The following CAMKMT variants were observed in gnomAD, a reference collection of about 807,000 sequenced individuals.
The protein encoded by CAMKMT is calmodulin-lysine N-methyltransferase, also known as CaM KMT.
Under a neutral mutation model 48.0 loss-of-function variants are expected in CAMKMT, and 53 were observed. That is an observed-to-expected ratio of 1.10 (90% CI 0.89 to 1.39). CAMKMT has a LOEUF of 1.39. Ranked by LOEUF, CAMKMT falls within the 40% of genes most tolerant of loss-of-function variation. The probability of loss-of-function intolerance (pLI) is 0.00; values close to 1 mark genes in which losing one functional copy is unlikely to be tolerated. For synonymous variants in CAMKMT, 165 were observed against 152.3 expected (o/e 1.08, Z -0.61); for missense variants, 428 against 402.7 (o/e 1.06, Z -0.54).
chr2:44,511,052 G>A (rs1242764275), intron 3 of CAMKMT, among the ~76,000 whole-genome samples: 4 of 152,070 alleles, frequency 2.6e-5, no homozygotes, highest in Non-Finnish European at 5.9e-5. Context: ...TATTGGCCAG[G>A]TTGGTCTTGG....
intron 3 of CAMKMT, among the ~76,000 whole-genome samples, chr2:44,464,138 T>C (rs1667991320): frequency 6.6e-6 from 1 of 152,002 alleles, no homozygotes; most frequent in African/African-American, 2.4e-5. Flanking sequence ...AACAAAGATA[T>C]AGAAACTATA....
chr2:44,397,805 CAGT>C (rs1681996980), intron 3 of CAMKMT, among the ~76,000 whole-genome samples: 1 of 152,166 alleles, frequency 6.6e-6, no homozygotes, highest in African/African-American at 2.4e-5. Context: ...GATTCTTTGA[CAGT>C]AGAACTTGGT....
At chr2:44,445,447 G>A (rs1666923931) in intron 3 of CAMKMT, among the ~76,000 whole-genome samples, 1 of 151,886 alleles carries the variant, frequency 6.6e-6, no homozygotes, top group African/African-American at 2.4e-5. Context: ...CGAACCCCTG[G>A]GATTCCCTTG....
At chr2:44,389,335 CAGGGTT>C (rs1405623138) in intron 2 of CAMKMT, among the ~76,000 whole-genome samples, 1 of 152,078 alleles carries the variant, frequency 6.6e-6, no homozygotes, top group Non-Finnish European at 1.5e-5. Flanking sequence ...TTCGAGGTAC[CAGGGTT>C]AGGGCTTCAG....
At position 44,754,224 on chromosome 2, in the gene CAMKMT, T is replaced by C. The variant is rs891453533; in HGVS notation, c.762+106T>C. ...GGCAGGATTAATGTCATGTAATACT[T>C]TAATACTTATTATGTCCAACTTCAA... is the stretch of plus-strand genomic sequence containing the variant. On this transcript the variant is annotated intron_variant, in intron 9 of 10. Transcript: ENST00000378494. 1.3e-5 allele frequency: 11 copies of C among 815,612 alleles called. No individual in the cohort carries two copies. The Admixed American group carries it at 1.5e-4, about 11-fold the overall frequency. 50.5% of individuals were successfully genotyped at this position (815,612 alleles called of 1,614,324 possible). A position where few individuals can be genotyped will look rare whatever the true frequency, so the allele number is the denominator to read the frequency against.
intron 2 of CAMKMT, among the ~76,000 whole-genome samples, chr2:44,387,741 C>G (rs984734466): frequency 6.6e-6 from 1 of 152,108 alleles, no homozygotes; most frequent in Non-Finnish European, 1.5e-5. Context: ...TGAATTCTCT[C>G]AGTATTTGTC....
intron 3 of CAMKMT, among the ~76,000 whole-genome samples, chr2:44,654,157 C>T (rs1188418976): frequency 6.6e-6 from 1 of 152,118 alleles, no homozygotes; most frequent in African/African-American, 2.4e-5. Flanking sequence ...CTAAACATTT[C>T]AAATAGGATT....
At chr2:44,603,722 G>T (rs1671129856) in intron 3 of CAMKMT, among the ~76,000 whole-genome samples, 1 of 152,104 alleles carries the variant, frequency 6.6e-6, no homozygotes, top group Non-Finnish European at 1.5e-5. Context: ...TAGTCAAATT[G>T]CCCTCTTTAA....
chr2:44,727,182 G>T (rs755627398), intron 7 of CAMKMT, among the ~76,000 whole-genome samples: 3 of 152,074 alleles, frequency 2.0e-5, no homozygotes, highest in Non-Finnish European at 4.4e-5. Context: ...TAATAGGAAT[G>T]GCCTTGAACC....
chr2:44,722,581 G>A (rs185995280), intron 7 of CAMKMT, among the ~76,000 whole-genome samples: 15 of 151,888 alleles, frequency 9.9e-5, no homozygotes, highest in Non-Finnish European at 1.6e-4. Context: ...TATTTTGTAC[G>A]TGATATTTGG....
chr2:44,678,449 A>G (rs1440969887), intron 3 of CAMKMT, among the ~76,000 whole-genome samples: 1 of 152,212 alleles, frequency 6.6e-6, no homozygotes, highest in African/African-American at 2.4e-5. Flanking sequence ...CACCCTTGGT[A>G]CACACTCCAG....
At chr2:44,582,934 A>T (rs557565508) in intron 3 of CAMKMT, among the ~76,000 whole-genome samples, 151 of 152,286 alleles carry the variant, frequency 9.9e-4, no homozygotes, top group African/African-American at 3.5e-3. Flanking sequence ...CCTTTCCTTT[A>T]TCTTTTGGCT....
chr2:44,615,583 T>C (rs549454767), intron 3 of CAMKMT, among the ~76,000 whole-genome samples: 12 of 152,266 alleles, frequency 7.9e-5, no homozygotes, highest in Admixed American at 5.9e-4. Context: ...GGGTACAGTT[T>C]TGGAGGCATT....
At chr2:44,454,422 A>T (rs1667453419) in intron 3 of CAMKMT, among the ~76,000 whole-genome samples, 1 of 152,114 alleles carries the variant, frequency 6.6e-6, no homozygotes, top group Non-Finnish European at 1.5e-5. Context: ...CAGTAAAATA[A>T]ACTAAATATA....
intron 1 of CAMKMT, among the ~76,000 whole-genome samples, chr2:44,366,938 A>C (rs786619): frequency 4.0e-5 from 6 of 151,822 alleles, no homozygotes; most frequent in South Asian, 4.2e-4. Context: ...TTGCCCAGGC[A>C]GGTCTCGAAC....
At chr2:44,363,633 G>T (rs1041871316) in intron 1 of CAMKMT, among the ~76,000 whole-genome samples, 1 of 149,746 alleles carries the variant, frequency 6.7e-6, no homozygotes, top group Admixed American at 6.7e-5. Flanking sequence ...ACCCACCTCG[G>T]CTTCCCAAAG....
chr2:44,591,724 A>G (rs1670291397), intron 3 of CAMKMT, among the ~76,000 whole-genome samples: 1 of 151,816 alleles, frequency 6.6e-6, no homozygotes, highest in Admixed American at 6.6e-5. Flanking sequence ...TATATACCCA[A>G]AGGACTATAA....
chr2:44,614,406 T>G (rs1671760049), intron 3 of CAMKMT, among the ~76,000 whole-genome samples: 2 of 152,338 alleles, frequency 1.3e-5, no homozygotes, highest in African/African-American at 4.8e-5. Context: ...TTGCATTGCA[T>G]TCTTCATATT....
chr2:44,717,197 A>C (rs1416422846), intron 7 of CAMKMT, among the ~76,000 whole-genome samples: 1 of 152,186 alleles, frequency 6.6e-6, no homozygotes, highest in African/African-American at 2.4e-5. Flanking sequence ...CATATAGACT[A>C]TATGTCAATA....
Sources: gnomAD v4.1 joint callset for allele counts (sites outside exome capture counted in the v4.1 genomes callset) on GRCh38, gnomAD v4.1.1 for gene constraint, MANE v1.5 for transcripts, NCBI Gene and HGNC (gene_info 2026-07-23, HGNC 2026-07-21) for gene names.